The following CTNNA3 variants were observed in gnomAD, a reference collection of about 807,000 sequenced individuals.
CTNNA3 encodes the protein catenin alpha 3, also known as catenin alpha-3.
Under a neutral mutation model 95.7 loss-of-function variants are expected in CTNNA3, and 76 were observed. The ratio of observed to expected loss-of-function variants is 0.79; its 90% CI spans 0.66 to 0.96. The LOEUF (loss-of-function observed/expected upper bound fraction) is 0.96. Among genes scored for constraint, CTNNA3 ranks in the 40% least tolerant of loss-of-function variants. CTNNA3 has a pLI of 0.00. For missense variants in CTNNA3, 1,191 were observed against 1,089.8 expected (o/e 1.09, Z -1.31); for synonymous variants, 431 against 374.4 (o/e 1.15, Z -1.74).
intron 9 of CTNNA3, among the ~76,000 whole-genome samples, chr10:66,637,193 A>G (rs1055125606): frequency 6.6e-6 from 1 of 152,212 alleles, no homozygotes; most frequent in Non-Finnish European, 1.5e-5. Context: ...GAAATAGTGA[A>G]TGGTCTAATG....
chr10:66,768,265 T>A (rs1439642247), intron 8 of CTNNA3, among the ~76,000 whole-genome samples: 1 of 150,898 alleles, frequency 6.6e-6, no homozygotes, highest in East Asian at 2.0e-4. Flanking sequence ...TTGAGACATG[T>A]AGAAGGAAAG....
chr10:67,280,921 G>A (rs1839374251), intron 5 of CTNNA3, among the ~76,000 whole-genome samples: 1 of 152,028 alleles, frequency 6.6e-6, no homozygotes, highest in Non-Finnish European at 1.5e-5. Flanking sequence ...AAACTTTTGT[G>A]TCTTTTTCTC....
intron 13 of CTNNA3, among the ~76,000 whole-genome samples, chr10:66,135,729 T>C (rs1427409428): frequency 1.3e-5 from 2 of 152,172 alleles, no homozygotes; most frequent in Non-Finnish European, 2.9e-5. Context: ...GCGGAGATAT[T>C]GCAGACACCG....
chr10:66,152,599 G>A, intron 13 of CTNNA3, among the ~76,000 whole-genome samples: 1 of 151,934 alleles, frequency 6.6e-6, no homozygotes, highest in South Asian at 2.1e-4. Context: ...ATTTTAAGAT[G>A]AGAAAGAGTG....
intron 3 of CTNNA3, among the ~76,000 whole-genome samples, chr10:67,551,561 C>A (rs1277879433): frequency 6.6e-6 from 1 of 152,176 alleles, no homozygotes; most frequent in Non-Finnish European, 1.5e-5. Flanking sequence ...AAGCCGTCTA[C>A]GGATGGCTAA....
At chr10:67,312,001 T>C (rs1840824054) in intron 5 of CTNNA3, among the ~76,000 whole-genome samples, 1 of 151,414 alleles carries the variant, frequency 6.6e-6, no homozygotes, top group African/African-American at 2.4e-5. Context: ...CTCACTACAA[T>C]CACACCACAC....
At position 66,285,315 on chromosome 10, in the gene CTNNA3, C is replaced by T. The variant is rs1049772418; in HGVS notation, c.1733-4694G>A. On this transcript the variant is annotated intron_variant, in intron 12 of 17. Coordinates refer to ENST00000433211, the MANE Select transcript of CTNNA3 (RefSeq NM_013266.4). ...CAGAGTAGGTTTTCTACATATGAAA[C>T]GCTAATCATTTAATTAGCCTGAGTG... 2.6e-5 allele frequency among the ~76,000 whole-genome samples: 4 copies of T among 151,924 alleles called. 1 individual carries two copies. Among genetic ancestry groups the T allele is most frequent in the Non-Finnish European group, 4.4e-5 (3 of 67,850 alleles).
intron 7 of CTNNA3, among the ~76,000 whole-genome samples, chr10:66,986,301 A>G (rs1376738990): frequency 6.6e-6 from 1 of 152,110 alleles, no homozygotes; most frequent in Non-Finnish European, 1.5e-5. Flanking sequence ...AGTTCCAGAC[A>G]GCCTGGGCAA....
intron 17 of CTNNA3, among the ~76,000 whole-genome samples, chr10:65,929,167 T>C (rs1014504997): frequency 3.9e-5 from 6 of 152,146 alleles, no homozygotes; most frequent in African/African-American, 9.7e-5. Flanking sequence ...AGAATGATGG[T>C]TTCTAGCTTC....
intron 5 of CTNNA3, among the ~76,000 whole-genome samples, chr10:67,279,549 T>C (rs1564531366): frequency 2.2e-5 from 3 of 138,686 alleles, no homozygotes; most frequent in Non-Finnish European, 3.2e-5. Context: ...AATAGTCAAT[T>C]AGGTATTTGT....
intron 11 of CTNNA3, among the ~76,000 whole-genome samples, chr10:66,418,452 T>C (rs186798122): frequency 2.0e-5 from 3 of 151,018 alleles, no homozygotes; most frequent in Admixed American, 1.3e-4. Flanking sequence ...AAACAAGAAC[T>C]AATACCAATC....
intron 10 of CTNNA3, among the ~76,000 whole-genome samples, chr10:66,542,725 T>A (rs1037027115): frequency 8.5e-6 from 1 of 117,098 alleles, no homozygotes; most frequent in South Asian, 3.2e-4. Context: ...ACATCACACA[T>A]CAGGGCCTGT....
chr10:66,664,938 G>C (rs1846395589), intron 9 of CTNNA3, among the ~76,000 whole-genome samples: 1 of 149,540 alleles, frequency 6.7e-6, no homozygotes. Flanking sequence ...CTACAAACTG[G>C]ATAGGACCCA....
chr10:67,736,451 ATTTTT>A (rs71468819), intron 1 of CTNNA3, among the ~76,000 whole-genome samples: 1 of 118,062 alleles, frequency 8.5e-6, no homozygotes, highest in Non-Finnish European at 1.7e-5. Flanking sequence ...TTTTACCACA[ATTTTT>A]TTTTTTTTTT....
chr10:67,621,703 C>T (rs868698657), intron 2 of CTNNA3, among the ~76,000 whole-genome samples: 16 of 149,652 alleles, frequency 1.1e-4, no homozygotes, highest in Middle Eastern at 6.9e-3. Flanking sequence ...GAGCCAAGAT[C>T]GAGCCACTGC....
intron 9 of CTNNA3, among the ~76,000 whole-genome samples, chr10:66,716,847 A>T (rs1848467173): frequency 6.6e-6 from 1 of 152,156 alleles, no homozygotes; most frequent in Non-Finnish European, 1.5e-5. Context: ...CTATCAAAGC[A>T]AAAAAACTTG....
intron 15 of CTNNA3, among the ~76,000 whole-genome samples, chr10:66,022,703 C>T (rs2079246301): frequency 6.6e-6 from 1 of 152,122 alleles, no homozygotes; most frequent in African/African-American, 2.4e-5. Flanking sequence ...ATCTGGGTTC[C>T]AGATATCTAA....
At chr10:67,491,710 C>A (rs1486180216) in intron 5 of CTNNA3, among the ~76,000 whole-genome samples, 1 of 152,040 alleles carries the variant, frequency 6.6e-6, no homozygotes, top group African/African-American at 2.4e-5. Context: ...AGAACCAGAA[C>A]CATTGAAGGA....
intron 10 of CTNNA3, among the ~76,000 whole-genome samples, chr10:66,523,063 AAC>A (rs1003741331): frequency 2.0e-5 from 3 of 152,124 alleles, no homozygotes; most frequent in African/African-American, 7.2e-5. Context: ...ATTTTAAGGA[AAC>A]ACACTAACTT....
Sources: allele counts gnomAD v4.1 joint callset (sites outside exome capture counted in the v4.1 genomes callset), GRCh38; gene constraint gnomAD v4.1.1; transcripts MANE v1.5; gene names NCBI Gene and HGNC (gene_info 2026-07-23, HGNC 2026-07-21).